CAMK2G: variants seen among roughly 807,000 people sequenced by gnomAD.
CAMK2G encodes the protein calcium/calmodulin-dependent protein kinase type II subunit gamma.
A neutral mutation model predicts 88.7 loss-of-function variants in CAMK2G; 23 were observed. The observed-to-expected ratio is 0.26, with a 90% confidence interval of 0.19 to 0.37. The LOEUF (loss-of-function observed/expected upper bound fraction) is 0.37. Ranked by LOEUF, CAMK2G falls within the 10% of genes least tolerant of loss-of-function variation. CAMK2G has a pLI of 1.00. For missense variants in CAMK2G, 476 were observed against 780.8 expected (o/e 0.61, Z 4.65); for synonymous variants, 263 against 294.8 (o/e 0.89, Z 1.11).
intron 14 of CAMK2G, among the ~76,000 whole-genome samples, chr10:73,832,065 TAA>T (rs563352520): frequency 1.6e-4 from 24 of 146,904 alleles, no homozygotes; most frequent in African/African-American, 6.0e-4. Flanking sequence ...TGCTTTACTT[TAA>T]AAAAAAAATA....
At chr10:73,874,368 G>C in intron 1 of CAMK2G, 29 bp downstream of exon 1, 1 of 1,455,584 alleles carries the variant, frequency 6.9e-7, no homozygotes, top group Non-Finnish European at 9.2e-7. Context: ...CGGCAGGGCA[G>C]GCAGGGGACC....
chr10:73,816,527 CT>C, intron 21 of CAMK2G: 1 of 806,524 alleles, frequency 1.2e-6, no homozygotes, highest in Non-Finnish European at 1.7e-6. Context: ...GTGGCCTGAT[CT>C]TGGCTCACTG....
intron 4 of CAMK2G, 82 bp from the exon 5 acceptor site, chr10:73,852,401 C>G (rs997641568): frequency 8.9e-6 from 10 of 1,129,306 alleles, no homozygotes; most frequent in Non-Finnish European, 1.3e-5. Flanking sequence ...ACAGGGTCAC[C>G]CTGTAGAATG....
chr10:73,866,296 A>C (rs975567922), intron 2 of CAMK2G, among the ~76,000 whole-genome samples: 3 of 152,152 alleles, frequency 2.0e-5, no homozygotes, highest in Admixed American at 6.5e-5. Context: ...CTTGCAGCCA[A>C]GGGGTGCACC....
intron 2 of CAMK2G, among the ~76,000 whole-genome samples, chr10:73,869,496 G>A (rs1291374104): frequency 6.6e-6 from 1 of 152,222 alleles, no homozygotes; most frequent in Non-Finnish European, 1.5e-5. Flanking sequence ...GAGGACCCAA[G>A]TCTGTAGCAG....
Position 73,849,131 on chromosome 10 carries a change from A to C in CAMK2G, c.415-16T>G. ...GGTTCTCAGGCTGCAGAAGAAACAC[A>C]GAGAACCTTGTGAGCACCCACCCTG... On this transcript the variant is annotated splice_polypyrimidine_tract_variant and intron_variant, in intron 6 of 22. Transcript: ENST00000423381. 1 of 1,608,710 alleles carries C rather than the reference A, an allele frequency of 6.2e-7. No homozygotes were observed.
At chr10:73,838,338 G>T (rs1008028538) in intron 13 of CAMK2G, among the ~76,000 whole-genome samples, 15 of 152,152 alleles carry the variant, frequency 9.9e-5, no homozygotes, top group Non-Finnish European at 4.4e-5. Context: ...GCCTGCCCTG[G>T]GTCTGTATCT....
At chr10:73,820,556 G>A (rs937789331) in intron 18 of CAMK2G, among the ~76,000 whole-genome samples, 2 of 139,656 alleles carry the variant, frequency 1.4e-5, no homozygotes, top group Non-Finnish European at 3.0e-5. Flanking sequence ...GAGTGCAGTG[G>A]TGCAATCTCA....
chr10:73,851,177 A>G (rs2094584919), intron 5 of CAMK2G, among the ~76,000 whole-genome samples: 1 of 152,256 alleles, frequency 6.6e-6, no homozygotes, highest in African/African-American at 2.4e-5. Context: ...TTCGTGAGGA[A>G]GCTGCACTCC....
At chr10:73,852,998 C>A (rs2094744858) in intron 4 of CAMK2G, among the ~76,000 whole-genome samples, 194 bp downstream of exon 4, 1 of 152,306 alleles carries the variant, frequency 6.6e-6, no homozygotes, top group South Asian at 2.1e-4. Context: ...GGGTTCAGAG[C>A]CCTGGGGGGA....
At chr10:73,844,434 G>A (rs1055563016) in intron 10 of CAMK2G, among the ~76,000 whole-genome samples, 1 of 149,852 alleles carries the variant, frequency 6.7e-6, no homozygotes, top group African/African-American at 2.5e-5. Context: ...TAGAGGCAGA[G>A]TCTCCCTCTG....
At chr10:73,827,991 A>G in intron 15 of CAMK2G, 98 bp downstream of exon 15, 1 of 958,182 alleles carries the variant, frequency 1.0e-6, no homozygotes, top group South Asian at 1.3e-5. Context: ...TGCAGTGAGG[A>G]TGAGTGAGGC....
intron 14 of CAMK2G, among the ~76,000 whole-genome samples, chr10:73,832,498 G>A (rs1327401900): frequency 2.0e-5 from 3 of 152,064 alleles, no homozygotes; most frequent in Admixed American, 1.3e-4. Flanking sequence ...GTAAAGACGG[G>A]GTTTCACCAT....
intron 21 of CAMK2G, chr10:73,816,605 C>T: frequency 1.7e-6 from 1 of 592,488 alleles, no homozygotes; most frequent in Non-Finnish European, 2.5e-6. Context: ...GGACTACAGG[C>T]ACCGCCACCA....
At chr10:73,849,226 A>C in intron 6 of CAMK2G, 35 bp downstream of exon 6, 1 of 1,596,750 alleles carries the variant, frequency 6.3e-7, no homozygotes, top group Non-Finnish European at 8.6e-7. Context: ...CCAACACTTC[A>C]TGAGCAGAGG....
In CAMK2G at chr10:73,849,294, G is replaced by T. The variant is rs745779062; in HGVS notation, c.381C>A (p.Ile127=). 1 of 1,613,764 alleles carries T rather than the reference G, an allele frequency of 6.2e-7. No homozygotes were observed. Among genetic ancestry groups the T allele is most frequent in the Non-Finnish European group, 8.5e-7 (1 of 1,179,716 alleles). The change falls in exon 6 of 23, where the codon ATC becomes ATA. Residue 127 remains isoleucine (I), a synonymous_variant. Coordinates refer to ENST00000423381, the MANE Select transcript of CAMK2G (RefSeq NM_001367534.1). ...IHQILESVNH[I]HQHDIVHRDL... ...CCCTGTGGACGATGTCATGCTGGTG[G>T]ATGTGGTTAACACTCTCCAGAATCT...
chr10:73,856,125 C>T (rs112043426), intron 3 of CAMK2G, among the ~76,000 whole-genome samples: 74 of 152,250 alleles, frequency 4.9e-4, no homozygotes, highest in African/African-American at 1.6e-3. Flanking sequence ...GTTGAGCTGT[C>T]CGTGTGCCGG....
At chr10:73,859,527 T>C (rs1439376826) in intron 3 of CAMK2G, among the ~76,000 whole-genome samples, 1 of 152,230 alleles carries the variant, frequency 6.6e-6, no homozygotes, top group Admixed American at 6.5e-5. Context: ...AAAGGCAACA[T>C]GTCAGTCCCC....
At position 73,819,387 on chromosome 10, in the gene CAMK2G, A is replaced by AC. The variant is rs1194399236; in HGVS notation, c.1363+144dup. 6.0e-6 allele frequency: 4 copies of AC among 661,890 alleles called. No homozygotes were observed. In the African/African-American group the frequency reaches 7.2e-5, roughly 12 times the overall value. The allele number at this position is 661,890 out of a possible 1,614,324, so 41.0% of individuals were successfully genotyped here. A position where few individuals can be genotyped will look rare whatever the true frequency, so the allele number is the denominator to read the frequency against. On this transcript the variant is annotated intron_variant, in intron 19 of 22. Transcript: ENST00000423381. Reference sequence around the variant, plus strand: ...CTGGTCTCAACAGCACCTCCAGTCTACCCCCCACCCCCAGCAGAGGCCATG... The same window carrying AC: ...CTGGTCTCAACAGCACCTCCAGTCTACCCCCCCACCCCCAGCAGAGGCCATG...
Sources: allele counts gnomAD v4.1 joint callset (sites outside exome capture counted in the v4.1 genomes callset), GRCh38; gene constraint gnomAD v4.1.1; transcripts MANE v1.5; gene names NCBI Gene and HGNC (gene_info 2026-07-23, HGNC 2026-07-21).